DCUN1D4: variants seen among roughly 807,000 people sequenced by gnomAD.
DCUN1D4 encodes the protein defective in cullin neddylation 1 domain containing 4, also known as DCN1-like protein 4.
A neutral mutation model predicts 47.9 loss-of-function variants in DCUN1D4; 22 were observed. The ratio of observed to expected loss-of-function variants is 0.46; its 90% CI spans 0.33 to 0.66. The LOEUF (loss-of-function observed/expected upper bound fraction) is 0.66. Among genes scored for constraint, DCUN1D4 ranks in the 30% least tolerant of loss-of-function variants. The pLI is 0.02. For synonymous variants in DCUN1D4, 121 were observed against 112.2 expected (o/e 1.08, Z -0.50); for missense variants, 301 against 340.8 (o/e 0.88, Z 0.92).
At chr4:51,885,555 T>TA (rs1268902633) in intron 5 of DCUN1D4, among the ~76,000 whole-genome samples, 2 of 152,088 alleles carry the variant, frequency 1.3e-5, no homozygotes, top group African/African-American at 2.4e-5. Context: ...TGAGTGTAGT[T>TA]ACGGCAGTTA....
At chr4:51,878,024 A>AT (rs1371802762) in intron 5 of DCUN1D4, 170 bp downstream of exon 5, 6 of 388,134 alleles carry the variant, frequency 1.5e-5, no homozygotes, top group South Asian at 6.8e-5. Context: ...CAGATAGCCT[A>AT]TTTTATAGCC....
intron 3 of DCUN1D4, among the ~76,000 whole-genome samples, chr4:51,864,568 G>A (rs1560468175): frequency 6.6e-6 from 1 of 152,134 alleles, no homozygotes; most frequent in South Asian, 2.1e-4. Context: ...TAAGGTGAAG[G>A]CACCAGCAGA....
chr4:51,834,080 C>CTTT, the DCUN1D4 span, among the ~76,000 whole-genome samples: 1 of 69,072 alleles, frequency 1.4e-5, no homozygotes. Context: ...CTCTCTCTCT[C>CTTT]TCTCTCTTTT....
intron 5 of DCUN1D4, 132 bp from the exon 6 acceptor site, chr4:51,886,436 T>TA: frequency 1.5e-6 from 1 of 663,128 alleles, no homozygotes; most frequent in South Asian, 2.9e-5. Context: ...CTTTTCAACT[T>TA]AGACTTGATT....
At chr4:51,841,821 T>A (rs534731848), upstream of DCUN1D4, among the ~76,000 whole-genome samples, 255 of 151,940 alleles carry the variant, frequency 1.7e-3, no homozygotes, top group African/African-American at 6.1e-3. Flanking sequence ...GCTGTAGAAA[T>A]CTAAAACCAA....
rs1046867963 is a variant in DCUN1D4, at chr4:51,916,098, T to A, written c.*2514T>A. 16 of 152,102 alleles carry A rather than the reference T, an allele frequency of 1.1e-4. No individual in the cohort carries two copies. The highest frequency in any genetic ancestry group is 2.9e-5 in the Non-Finnish European group (2 of 67,972). The allele number at this position is 152,102 out of a possible 1,614,324, so 9.4% of individuals were successfully genotyped here. A position where few individuals can be genotyped will look rare whatever the true frequency, so the allele number is the denominator to read the frequency against. On this transcript the variant is annotated 3_prime_UTR_variant, in exon 11 of 11. Transcript: ENST00000334635. Reference sequence around the variant, plus strand: ...CACTTATTTACTGGCTAATGTTGAATAAATTAGGGTGCCTTCATCTGGGTT... The same window carrying A: ...CACTTATTTACTGGCTAATGTTGAAAAAATTAGGGTGCCTTCATCTGGGTT...
In DCUN1D4 at chr4:51,899,646, ACT is replaced by A. The variant is rs528271244; in HGVS notation, c.615+269_615+270del. ...AAAGTGACATGGGCATGCAATACAC[ACT>A]GTCTTAAATGTCTCTTAGATAAGGT... On this transcript the variant is annotated intron_variant, in intron 8 of 10. Coordinates refer to ENST00000334635, the MANE Select transcript of DCUN1D4 (RefSeq NM_001040402.3). 3.3e-5 allele frequency among the ~76,000 whole-genome samples: 5 copies of A among 152,312 alleles called. No individual in the cohort carries two copies. In the East Asian group the frequency reaches 9.7e-4, roughly 29 times the overall value.
At chr4:51,912,989 C>T (rs1733930016) in intron 9 of DCUN1D4, among the ~76,000 whole-genome samples, 1 of 152,142 alleles carries the variant, frequency 6.6e-6, no homozygotes, top group Non-Finnish European at 1.5e-5. Context: ...ATATTATCTG[C>T]ATTTTATATA....
chr4:51,899,074 T>C (rs765646198), intron 7 of DCUN1D4, among the ~76,000 whole-genome samples, 196 bp from the exon 8 acceptor site: 7 of 152,228 alleles, frequency 4.6e-5, no homozygotes, highest in Non-Finnish European at 8.8e-5. Flanking sequence ...GGATGGTATA[T>C]GAGTGGTTAT....
chr4:51,911,918 G>T (rs1382677379), intron 9 of DCUN1D4, among the ~76,000 whole-genome samples: 1 of 152,058 alleles, frequency 6.6e-6, no homozygotes, highest in Non-Finnish European at 1.5e-5. Context: ...AAGGATGAGG[G>T]TGTTGGGTCT....
At chr4:51,851,397 A>C (rs1723338697) in intron 1 of DCUN1D4, among the ~76,000 whole-genome samples, 1 of 152,190 alleles carries the variant, frequency 6.6e-6, no homozygotes, top group Admixed American at 6.5e-5. Context: ...TGTGAAGAAC[A>C]GGATGTGTAT....
chr4:51,890,072 A>G (rs1730177636), intron 6 of DCUN1D4, among the ~76,000 whole-genome samples: 1 of 122,878 alleles, frequency 8.1e-6, no homozygotes, highest in Non-Finnish European at 1.6e-5. Flanking sequence ...GCATCAAGCG[A>G]AAGCTTCTCC....
chr4:51,839,249 G>GAAGA (rs968350713), upstream of DCUN1D4, among the ~76,000 whole-genome samples: 12 of 151,700 alleles, frequency 7.9e-5, no homozygotes, highest in East Asian at 3.9e-4. Flanking sequence ...AGAAGGAAAG[G>GAAGA]AAGAAAGAAA....
At chr4:51,861,339 A>G (rs549861767) in intron 1 of DCUN1D4, among the ~76,000 whole-genome samples, 33 of 152,202 alleles carry the variant, frequency 2.2e-4, no homozygotes, top group Non-Finnish European at 3.7e-4. Context: ...GTTGGAAGGA[A>G]GGGTTTTGTG....
intron 3 of DCUN1D4, among the ~76,000 whole-genome samples, chr4:51,870,858 C>A (rs184525180): frequency 1.7e-3 from 259 of 152,168 alleles, no homozygotes; most frequent in Non-Finnish European, 3.2e-3. Flanking sequence ...AAGTTGTTTC[C>A]CTAAGCATTA....
At chr4:51,868,101 T>C (rs1726261543) in intron 3 of DCUN1D4, among the ~76,000 whole-genome samples, 1 of 152,244 alleles carries the variant, frequency 6.6e-6, no homozygotes, top group Admixed American at 6.5e-5. Context: ...TTTACTCTGA[T>C]AACGGACAAA....
intron 3 of DCUN1D4, among the ~76,000 whole-genome samples, chr4:51,873,517 A>G (rs1444492225): frequency 2.0e-5 from 3 of 152,224 alleles, no homozygotes; most frequent in Non-Finnish European, 4.4e-5. Flanking sequence ...TCTTATCTGC[A>G]TAAGGCAATA....
chr4:51,884,002 A>C (rs892696862), intron 5 of DCUN1D4, among the ~76,000 whole-genome samples: 1 of 148,842 alleles, frequency 6.7e-6, no homozygotes, highest in Admixed American at 6.7e-5. Flanking sequence ...TTTATATATA[A>C]ATTTATATTT....
At chr4:51,909,141 C>G (rs1406769418) in intron 8 of DCUN1D4, among the ~76,000 whole-genome samples, 1 of 151,704 alleles carries the variant, frequency 6.6e-6, no homozygotes, top group Non-Finnish European at 1.5e-5. Context: ...TCTTTTTTTT[C>G]TTTTTTGTCA....
Sources: gnomAD v4.1 joint callset for allele counts (sites outside exome capture counted in the v4.1 genomes callset) on GRCh38, gnomAD v4.1.1 for gene constraint, MANE v1.5 for transcripts, NCBI Gene and HGNC (gene_info 2026-07-23, HGNC 2026-07-21) for gene names.